The following CLEC20A variants were observed in gnomAD, a reference collection of about 807,000 sequenced individuals.
CLEC20A encodes putative C-type lectin domain family 20 member A.
intron 6 of CLEC20A, chr1:178,482,871 T>G (rs1400292704): frequency 4.1e-6 from 1 of 245,786 alleles, no homozygotes; most frequent in Admixed American, 5.5e-5. Context: ...GCATTGCATT[T>G]TATTGTTTAT....
intron 6 of CLEC20A, 112 bp from the exon 7 acceptor site, chr1:178,482,509 A>C (rs1649016326): frequency 2.5e-6 from 1 of 396,756 alleles, no homozygotes; most frequent in Non-Finnish European, 4.4e-6. Flanking sequence ...TTGATTTGGG[A>C]TTTCAAGAAG....
At chr1:178,482,082 C>CAAAA in intron 7 of CLEC20A, 2 of 353,602 alleles carry the variant, frequency 5.7e-6, no homozygotes, top group African/African-American at 2.6e-5. Flanking sequence ...AACAAAAAAA[C>CAAAA]AAAAAAACAA....
intron 4 of CLEC20A, among the ~76,000 whole-genome samples, chr1:178,489,031 G>T (rs1037692986): frequency 4.6e-5 from 7 of 152,124 alleles, no homozygotes; most frequent in African/African-American, 1.7e-4. Context: ...GGACAACCTT[G>T]TGAATATTCT....
intron 4 of CLEC20A, among the ~76,000 whole-genome samples, chr1:178,489,743 C>T (rs1325059290): frequency 6.6e-6 from 1 of 152,194 alleles, no homozygotes; most frequent in Non-Finnish European, 1.5e-5. Context: ...AGATGCTGCC[C>T]ACCTTATTTC....
At chr1:178,486,079 A>G (rs991170130) in intron 5 of CLEC20A, among the ~76,000 whole-genome samples, 3 of 152,218 alleles carry the variant, frequency 2.0e-5, no homozygotes, top group African/African-American at 7.2e-5. Context: ...ACTGGAGCCA[A>G]TATTCCAACT....
intron 1 of CLEC20A, 78 bp downstream of exon 1, chr1:178,496,822 G>A: frequency 2.5e-6 from 1 of 398,680 alleles, no homozygotes; most frequent in East Asian, 3.6e-5. Flanking sequence ...GGAACTTCAG[G>A]GGTGCGCCCC....
At chr1:178,496,861 A>G in intron 1 of CLEC20A, 39 bp downstream of exon 1, 1 of 398,668 alleles carries the variant, frequency 2.5e-6, no homozygotes, top group East Asian at 3.6e-5. Flanking sequence ...CCGGGGGAGC[A>G]TGGAGCCAGG....
At chr1:178,482,093 C>CA (rs959378665) in intron 7 of CLEC20A, 45,091 of 293,134 alleles carry the variant, frequency 0.15, 18 homozygotes, top group East Asian at 0.2. Context: ...AAAAAAACAA[C>CA]AAAAAAAAAA....
rs1649216569 is a variant in CLEC20A, at chr1:178,489,018, G to T, written c.830-419C>A. On this transcript the variant is annotated intron_variant, in intron 4 of 7. Coordinates refer to ENST00000623247, the Ensembl canonical transcript of CLEC20A. The stretch of plus-strand genomic sequence containing the variant: ...TCCTAAAATCAGATTAGTGATGATA[G>T]TTGGACAACCTTGTGAATATTCTAA... 2.0e-5 allele frequency among the ~76,000 whole-genome samples: 3 copies of T among 152,190 alleles called. No individual in the cohort carries two copies. In the South Asian group the frequency reaches 6.2e-4, roughly 32 times the overall value.
At chr1:178,482,431 A>G (rs1318502129) in intron 6 of CLEC20A, 34 bp from the exon 7 acceptor site, 7 of 398,404 alleles carry the variant, frequency 1.8e-5, no homozygotes, top group Non-Finnish European at 2.7e-5. Context: ...TCAGGGGGAT[A>G]TTATCCTATT....
upstream of CLEC20A, among the ~76,000 whole-genome samples, chr1:178,498,781 C>T (rs1351919239): frequency 1.3e-5 from 2 of 152,162 alleles, no homozygotes; most frequent in East Asian, 3.9e-4. Context: ...GTCTGGAAGG[C>T]TCTCTTTTTT....
At chr1:178,491,910 C>A (rs1352202403) in intron 3 of CLEC20A, among the ~76,000 whole-genome samples, 2 of 152,142 alleles carry the variant, frequency 1.3e-5, no homozygotes, top group African/African-American at 4.8e-5. Context: ...GGGCTGCAGC[C>A]AAGGGCCCAT....
chr1:178,482,196 GAACAAGATGAGGTCATATTCC>G (rs1446929144), intron 7 of CLEC20A, 95 bp downstream of exon 7: 1 of 396,786 alleles, frequency 2.5e-6, no homozygotes, highest in Non-Finnish European at 4.4e-6. Flanking sequence ...GATGGCAGTG[GAACAAGATGAGGTCATATTCC>G]ACAGGTTTTC....
chr1:178,482,572 A>G, intron 6 of CLEC20A, 175 bp from the exon 7 acceptor site: 2 of 392,432 alleles, frequency 5.1e-6, no homozygotes, highest in African/African-American at 2.1e-5. Flanking sequence ...GGGTTAACCA[A>G]TTAGTGGCTG....
chr1:178,486,044 A>G (rs967313644), intron 5 of CLEC20A, among the ~76,000 whole-genome samples: 2 of 152,184 alleles, frequency 1.3e-5, no homozygotes, highest in South Asian at 4.1e-4. Context: ...AAGTTAGGAA[A>G]CTTGCATAAG....
At chr1:178,494,893 G>A (rs1407643199) in intron 1 of CLEC20A, 83 bp from the exon 2 acceptor site, 1 of 398,312 alleles carries the variant, frequency 2.5e-6, no homozygotes, top group Non-Finnish European at 4.4e-6. Context: ...CACTCGGGTG[G>A]GCCTCCCCAG....
At chr1:178,487,087 G>A (rs1019105619) in intron 5 of CLEC20A, among the ~76,000 whole-genome samples, 39 of 152,176 alleles carry the variant, frequency 2.6e-4, no homozygotes, top group Admixed American at 2.3e-3. Context: ...TGTGGGGTCC[G>A]CTGCGCCCGG....
At chr1:178,492,207 G>C (rs78291873) in intron 3 of CLEC20A, among the ~76,000 whole-genome samples, 1 of 152,096 alleles carries the variant, frequency 6.6e-6, no homozygotes, top group South Asian at 2.1e-4. Context: ...ATCAGCCACC[G>C]GGAATGTCGG....
chr1:178,490,041 C>T (rs377594795), intron 4 of CLEC20A, 31 bp downstream of exon 4: 74 of 398,658 alleles, frequency 1.9e-4, no homozygotes, highest in African/African-American at 1.3e-3. Flanking sequence ...CTCAATGGGC[C>T]GAGGGCCAGC....
Sources: gnomAD v4.1 joint callset for allele counts (sites outside exome capture counted in the v4.1 genomes callset) on GRCh38, gnomAD v4.1.1 for gene constraint, MANE v1.5 for transcripts, NCBI Gene and HGNC (gene_info 2026-07-23, HGNC 2026-07-21) for gene names.